PSMA3: variants seen among roughly 807,000 people sequenced by gnomAD.
PSMA3 encodes the protein proteasome 20S subunit alpha 3.
In PSMA3, 8 loss-of-function variants were observed where a neutral mutation model predicts 40.0. The ratio of observed to expected loss-of-function variants is 0.20; its 90% CI spans 0.12 to 0.36. PSMA3 has a LOEUF of 0.36. Among genes scored for constraint, PSMA3 ranks in the 10% least tolerant of loss-of-function variants. PSMA3 has a pLI of 1.00. For synonymous variants in PSMA3, 110 were observed against 100.0 expected (o/e 1.10, Z -0.59); for missense variants, 219 against 310.6 (o/e 0.70, Z 2.22).
At chr14:58,247,687 G>A in intron 1 of PSMA3, 63 bp from the exon 2 acceptor site, 1 of 1,123,056 alleles carries the variant, frequency 8.9e-7, no homozygotes, top group Admixed American at 2.2e-5. Context: ...ATTTAGAGGG[G>A]AAGAAACTGT....
At chr14:58,259,765 G>A (rs578216892) in intron 5 of PSMA3, among the ~76,000 whole-genome samples, 2 of 152,346 alleles carry the variant, frequency 1.3e-5, no homozygotes, top group African/African-American at 4.8e-5. Flanking sequence ...AAGGAAGAGT[G>A]TGAGATGTAG....
chr14:58,267,346 C>T (rs1304714812), intron 7 of PSMA3, 128 bp from the exon 8 acceptor site: 3 of 1,238,518 alleles, frequency 2.4e-6, no homozygotes, highest in Non-Finnish European at 2.0e-6. Flanking sequence ...CAGGAAACTT[C>T]GATTCTGGTC....
At position 58,263,743 on chromosome 14, in the gene PSMA3, T is replaced by C. The variant is rs764502512; in HGVS notation, c.516T>C (p.Ala172=). Reference sequence around the variant, plus strand: ...GTGCCATCGGCAAAGCCAGGCAAGCTGCAAAGACGGAAATAGAGAAGCTTC... The same window carrying C: ...GTGCCATCGGCAAAGCCAGGCAAGCCGCAAAGACGGAAATAGAGAAGCTTC... ...WGCAIGKARQ[A]AKTEIEKLQM... is the part of the protein sequence containing the mutation. The change falls in exon 7 of 11, where the codon GCT becomes GCC. Residue 172 remains alanine, a synonymous_variant. Transcript: ENST00000216455. 1 of 1,613,948 alleles carries C rather than the reference T, an allele frequency of 6.2e-7. No individual in the cohort carries two copies.
chr14:58,249,596 T>C (rs931168559), intron 2 of PSMA3, among the ~76,000 whole-genome samples: 2 of 152,110 alleles, frequency 1.3e-5, no homozygotes, highest in African/African-American at 4.8e-5. Flanking sequence ...TACTGCAGAC[T>C]CGACCTCCTG....
chr14:58,270,267 C>T lies in PSMA3; in HGVS notation c.591-151C>T. ...TCAGTCCCTGTGTAATTTGTCTTCT[C>T]TAATGTTAAATACTATGTAGAATGT... On this transcript the variant is annotated intron_variant, in intron 8 of 10. Transcript: ENST00000216455. 3 of 1,114,296 alleles carry T rather than the reference C, an allele frequency of 2.7e-6. No individual in the cohort carries two copies. In the South Asian group the frequency reaches 5.9e-5, roughly 22 times the overall value. The allele number at this position is 1,114,296 out of a possible 1,614,324, so 69.0% of individuals were successfully genotyped here.
chr14:58,258,124 TAAATA>T (rs1566640749), intron 5 of PSMA3, 126 bp downstream of exon 5: 22 of 724,094 alleles, frequency 3.0e-5, no homozygotes, highest in South Asian at 2.9e-4. Context: ...GGGCAATGAT[TAAATA>T]AAACAGTGTA....
intron 9 of PSMA3, 77 bp downstream of exon 9, chr14:58,270,562 A>G: frequency 6.3e-7 from 1 of 1,589,646 alleles, no homozygotes; most frequent in Non-Finnish European, 8.6e-7. Flanking sequence ...TGTCCTTTCT[A>G]ATATAATGAA....
intron 8 of PSMA3, 163 bp from the exon 9 acceptor site, chr14:58,270,255 A>G (rs929296330): frequency 1.0e-5 from 10 of 980,124 alleles, no homozygotes; most frequent in Non-Finnish European, 1.4e-5. Flanking sequence ...GTCCCTGTGT[A>G]ATTTGTCTTC....
rs1379743634 is a variant in PSMA3 at position 58,252,249 on chromosome 14, T to A, written c.228+7T>A. ...TGATCGGCATGTTGGAATGGTAAGGTCATGTTTAAAATGTTCCTTTTTGTC... is the reference window on the plus strand; with the variant it reads ...TGATCGGCATGTTGGAATGGTAAGGACATGTTTAAAATGTTCCTTTTTGTC... On this transcript the variant is annotated splice_region_variant and intron_variant, in intron 3 of 10. Coordinates refer to ENST00000216455, the MANE Select transcript of PSMA3 (RefSeq NM_002788.4). The A allele has an allele frequency of 2.5e-6, 4 of 1,603,860 alleles. No individual in the cohort carries two copies. Among genetic ancestry groups the A allele is most frequent in the Admixed American group, 1.8e-5 (1 of 56,748 alleles).
chr14:58,264,146 T>C (rs1298799189), intron 7 of PSMA3, among the ~76,000 whole-genome samples: 17 of 152,232 alleles, frequency 1.1e-4, no homozygotes, highest in Admixed American at 9.8e-4. Context: ...AAAGCCTCAA[T>C]CTAGAAAAAC....
intron 2 of PSMA3, 66 bp downstream of exon 2, chr14:58,247,898 T>A: frequency 1.8e-6 from 2 of 1,081,544 alleles, no homozygotes; most frequent in South Asian, 1.5e-5. Flanking sequence ...CGATTAGGCT[T>A]TGTTATGTTA....
At chr14:58,254,213 T>TG (rs1890086048) in intron 3 of PSMA3, among the ~76,000 whole-genome samples, 1 of 151,062 alleles carries the variant, frequency 6.6e-6, no homozygotes, top group Admixed American at 6.6e-5. Context: ...GATTTATTAT[T>TG]GCCAGTGAAA....
At chr14:58,249,574 G>A (rs1338998860) in intron 2 of PSMA3, among the ~76,000 whole-genome samples, 3 of 152,082 alleles carry the variant, frequency 2.0e-5, no homozygotes, top group African/African-American at 2.4e-5. Flanking sequence ...GTGCAGTGGT[G>A]TGATTACAGC....
intron 3 of PSMA3, among the ~76,000 whole-genome samples, chr14:58,254,136 A>G (rs559168325): frequency 1.3e-5 from 2 of 151,130 alleles, no homozygotes; most frequent in East Asian, 3.9e-4. Flanking sequence ...GCTTCCACTT[A>G]TAAGAGAGAA....
chr14:58,267,682 T>C (rs902665410), intron 8 of PSMA3, 162 bp downstream of exon 8: 83 of 1,221,432 alleles, frequency 6.8e-5, no homozygotes, highest in Non-Finnish European at 8.4e-5. Context: ...AGGAAGAAAA[T>C]GTTTTTAAGC....
At chr14:58,262,520 G>A (rs916541459) in intron 6 of PSMA3, among the ~76,000 whole-genome samples, 1 of 150,752 alleles carries the variant, frequency 6.6e-6, no homozygotes, top group Non-Finnish European at 1.5e-5. Flanking sequence ...CTTTTAAAGA[G>A]AAGGTTTAAA....
rs757194023 is a variant in PSMA3, at chr14:58,270,968, TATAAG to T, written c.695_699del (p.Ile232ArgfsTer8). The T allele has an allele frequency of 2.5e-6, 4 of 1,609,234 alleles. No individual in the cohort carries two copies. Among genetic ancestry groups the T allele is most frequent in the Non-Finnish European group, 2.5e-6 (3 of 1,177,192 alleles). On this transcript the variant is annotated frameshift_variant, in exon 10 of 11. Transcript: ENST00000216455. LOFTEE classifies it high-confidence loss of function. ...GAAGACATGAAATTGTTCCAAAAGA[TATAAG>T]AGAAGAAGCAGAGAAATATGCTAAG...
intron 8 of PSMA3, chr14:58,268,886 C>T (rs764089856): frequency 6.6e-6 from 1 of 151,960 alleles, no homozygotes; most frequent in Non-Finnish European, 1.5e-5. Context: ...AGGTATGTAA[C>T]TCAGTGCATA....
intron 6 of PSMA3, among the ~76,000 whole-genome samples, chr14:58,261,587 C>T (rs921273101): frequency 6.6e-6 from 1 of 151,944 alleles, no homozygotes; most frequent in African/African-American, 2.4e-5. Flanking sequence ...ATGTGATTTT[C>T]CTTTATTACT....
Sources: gnomAD v4.1 joint callset for allele counts (sites outside exome capture counted in the v4.1 genomes callset) on GRCh38, gnomAD v4.1.1 for gene constraint, MANE v1.5 for transcripts, NCBI Gene and HGNC (gene_info 2026-07-23, HGNC 2026-07-21) for gene names.